The following GNAL variants were observed in gnomAD, a reference collection of about 807,000 sequenced individuals.
GNAL encodes the protein G protein subunit alpha L, also known as guanine nucleotide-binding protein G(olf) subunit alpha.
A neutral mutation model predicts 55.1 loss-of-function variants in GNAL; 18 were observed. The ratio of observed to expected loss-of-function variants is 0.33; its 90% confidence interval spans 0.23 to 0.48. The LOEUF (loss-of-function observed/expected upper bound fraction) is 0.48, where lower values mean the gene tolerates loss of function less well. Among genes scored for constraint, GNAL ranks in the 20% least tolerant of loss-of-function variants. The pLI is 0.99. For missense variants in GNAL, 412 were observed against 614.1 expected, an observed-to-expected ratio of 0.67 and a Z score of 3.48; for synonymous variants, 253 against 237.0, an observed-to-expected ratio of 1.07 and a Z score of -0.62.
At chr18:11,762,398 G>C (rs1357620287) in intron 4 of GNAL, among the ~76,000 whole-genome samples, 1 of 152,180 alleles carries the variant, frequency 6.6e-6, no homozygotes, top group Non-Finnish European at 1.5e-5. Flanking sequence ...TATCCATCTT[G>C]TGGACACCAA....
chr18:11,780,376 T>TAA (rs199740761), intron 4 of GNAL, among the ~76,000 whole-genome samples: 84 of 148,506 alleles, frequency 5.7e-4, no homozygotes, highest in East Asian at 1.2e-3. Flanking sequence ...CTCTTATATT[T>TAA]AAAAAAAAAA....
chr18:11,842,642 C>G (rs1169447044), intron 5 of GNAL, among the ~76,000 whole-genome samples: 1 of 152,006 alleles, frequency 6.6e-6, no homozygotes, highest in Non-Finnish European at 1.5e-5. Flanking sequence ...AGGGTTCGTG[C>G]TCCTATGAGA....
Position 11,852,249 on chromosome 18 carries a change from C to T in GNAL, c.723-10146C>T, listed in dbSNP as rs1437979232. 3.9e-6 allele frequency: 4 copies of T among 1,014,116 alleles called. No homozygotes were observed. The African/African-American group carries it at 6.5e-5, about 17-fold the overall frequency. 62.8% of individuals were successfully genotyped at this position (1,014,116 alleles called of 1,614,324 possible). On this transcript the variant is annotated intron_variant, in intron 5 of 11. Transcript: ENST00000334049. ...CCCTTCTACCTTTGGGTTTACAGCC[C>T]CCTCCACATAAATTAAGAAATTCAG...
chr18:11,719,883 A>G (rs8084717), intron 1 of GNAL, among the ~76,000 whole-genome samples: 1,978 of 152,376 alleles, frequency 0.013, 40 homozygotes, highest in African/African-American at 0.045. Context: ...TTATAGCAGC[A>G]TGTGTGTGTG....
chr18:11,832,494 G>A (rs752461351), intron 5 of GNAL, among the ~76,000 whole-genome samples: 17 of 152,124 alleles, frequency 1.1e-4, no homozygotes, highest in Non-Finnish European at 2.4e-4. Flanking sequence ...CAGCTTTCAG[G>A]ACAATCTGGA....
At chr18:11,781,591 A>G (rs2033925353) in intron 4 of GNAL, among the ~76,000 whole-genome samples, 1 of 152,258 alleles carries the variant, frequency 6.6e-6, no homozygotes, top group South Asian at 2.1e-4. Flanking sequence ...CTTTAAAAAC[A>G]TCATTTTATA....
chr18:11,753,499 G>C, intron 2 of GNAL, 129 bp from the exon 3 acceptor site: 1 of 628,386 alleles, frequency 1.6e-6, no homozygotes, highest in Non-Finnish European at 2.8e-6. Context: ...GATGTCTTGG[G>C]GGTTGATACT....
intron 5 of GNAL, chr18:11,852,230 T>C (rs1327258804): frequency 7.8e-7 from 1 of 1,288,968 alleles, no homozygotes; most frequent in Non-Finnish European, 1.0e-6. Flanking sequence ...AATGCCCTTC[T>C]ACCTTTGGGT....
chr18:11,835,523 G>A (rs1011609485), intron 5 of GNAL, among the ~76,000 whole-genome samples: 4 of 151,886 alleles, frequency 2.6e-5, no homozygotes, highest in Admixed American at 1.3e-4. Context: ...TAAATAGTAG[G>A]TATTCAAGTG....
chr18:11,814,984 G>A (rs2143592938), intron 4 of GNAL, among the ~76,000 whole-genome samples: 1 of 152,204 alleles, frequency 6.6e-6, no homozygotes. Flanking sequence ...AGAGGAGAGG[G>A]AATTGGAAGA....
intron 4 of GNAL, among the ~76,000 whole-genome samples, chr18:11,783,551 T>C (rs1236823022): frequency 6.6e-6 from 1 of 152,218 alleles, no homozygotes; most frequent in Non-Finnish European, 1.5e-5. Context: ...TTTTAATGAA[T>C]ACATCCTCAC....
chr18:11,773,705 G>A (rs377657977), intron 4 of GNAL, among the ~76,000 whole-genome samples: 169 of 152,308 alleles, frequency 1.1e-3, no homozygotes, highest in African/African-American at 3.9e-3. Flanking sequence ...GATCACCTGA[G>A]CCCAGGCAGT....
intron 1 of GNAL, among the ~76,000 whole-genome samples, chr18:11,713,489 A>G (rs2031884323): frequency 6.6e-6 from 1 of 152,226 alleles, no homozygotes; most frequent in Non-Finnish European, 1.5e-5. Context: ...GCCAACTGTT[A>G]CAAAGGTTAT....
At chr18:11,779,475 G>T (rs1234092649) in intron 4 of GNAL, among the ~76,000 whole-genome samples, 2 of 152,184 alleles carry the variant, frequency 1.3e-5, no homozygotes, top group Non-Finnish European at 2.9e-5. Flanking sequence ...TAAAGCTTGT[G>T]TGGCGGGGGT....
chr18:11,779,708 C>G (rs1743808020), intron 4 of GNAL, among the ~76,000 whole-genome samples: 1 of 152,160 alleles, frequency 6.6e-6, no homozygotes, highest in Non-Finnish European at 1.5e-5. Flanking sequence ...GAACACCTCC[C>G]CTAGGCTGGG....
chr18:11,693,397 G>A (rs1350239943), intron 1 of GNAL, among the ~76,000 whole-genome samples: 1 of 152,154 alleles, frequency 6.6e-6, no homozygotes, highest in Non-Finnish European at 1.5e-5. Context: ...CAGGGGGAGT[G>A]TATTGTATGT....
rs559847459 is a variant in GNAL, at chr18:11,722,412, A to G, written c.377-30441A>G. 3.0e-4 allele frequency among the ~76,000 whole-genome samples: 45 copies of G among 152,334 alleles called. No homozygotes were observed. The South Asian group carries it at 9.3e-3, about 32-fold the overall frequency. On this transcript the variant is annotated intron_variant, in intron 1 of 11. Transcript: ENST00000334049. ...GGTAGGTCTGCTAACAGTGATATGT[A>G]TTATATATTCTTCTAGCATAGATAT...
At chr18:11,855,932 A>G (rs979682823) in intron 5 of GNAL, among the ~76,000 whole-genome samples, 8 of 151,012 alleles carry the variant, frequency 5.3e-5, no homozygotes, top group Non-Finnish European at 1.0e-4. Context: ...AGATCGCGCC[A>G]TTGCACTCCA....
chr18:11,855,894 C>T lies in GNAL; in HGVS notation c.723-6501C>T, dbSNP rs62097392. ...GGCTGAGGCAGGAGAATTGCTTAAA[C>T]CCGGGAGGTGGAGGTTGCGGTGAGC... On this transcript the variant is annotated intron_variant, in intron 5 of 11. Coordinates refer to ENST00000334049, the MANE Select transcript of GNAL (RefSeq NM_182978.4). 5.3e-3 allele frequency among the ~76,000 whole-genome samples: 798 copies of T among 150,182 alleles called. 5 individuals carry two copies. Among genetic ancestry groups the T allele is most frequent in the Non-Finnish European group, 7.9e-3 (535 of 68,010 alleles).
Sources: allele counts gnomAD v4.1 joint callset (sites outside exome capture counted in the v4.1 genomes callset), GRCh38; gene constraint gnomAD v4.1.1; transcripts MANE v1.5; gene names NCBI Gene and HGNC (gene_info 2026-07-23, HGNC 2026-07-21).